AK6: variants seen among roughly 807,000 people sequenced by gnomAD.
The protein encoded by AK6 is adenylate kinase 6.
AK6 carries 24 observed loss-of-function variants against 23.7 expected under a neutral mutation model. The ratio of observed to expected loss-of-function variants is 1.01; its 90% CI spans 0.73 to 1.43. The LOEUF is 1.43. AK6 is among the 40% of genes most tolerant of loss of function. AK6 has a pLI of 0.00. For synonymous variants in AK6, 73 were observed against 69.8 expected (o/e 1.05, Z -0.23); for missense variants, 191 against 199.1 (o/e 0.96, Z 0.24).
At chr5:69,354,500 T>C (rs963040833) in intron 4 of AK6, among the ~76,000 whole-genome samples, 2 of 152,214 alleles carry the variant, frequency 1.3e-5, no homozygotes, top group African/African-American at 2.4e-5. Flanking sequence ...GGAGCTTTCC[T>C]TTCTGAGATT....
Position 69,356,294 on chromosome 5 carries a change from G to A in AK6, c.122-341C>T, listed in dbSNP as rs55764482. Among the ~76,000 whole-genome samples the A allele has an allele frequency of 6.2e-3, 938 of 152,222 alleles. 8 individuals are homozygous for A. Among genetic ancestry groups the A allele is most frequent in the African/African-American group, 0.021 (882 of 41,532 alleles). On this transcript the variant is annotated intron_variant, in intron 2 of 4. Coordinates refer to ENST00000380822, the MANE Select transcript of AK6 (RefSeq NM_016283.5). ...TATTTTTGTTGAACTACAGATTGGC[G>A]GGAAGAGGAAACACCTGAACAGATA...
intron 4 of AK6, among the ~76,000 whole-genome samples, chr5:69,355,136 T>C (rs928904567): frequency 3.3e-5 from 5 of 152,170 alleles, no homozygotes; most frequent in Admixed American, 1.3e-4. Flanking sequence ...GCCGACTAAA[T>C]TGGGTTTCTA....
Position 69,364,733 on chromosome 5 carries a change from G to C in AK6, c.121+1770C>G, listed in dbSNP as rs867629316. On this transcript the variant is annotated intron_variant, in intron 2 of 4. Transcript: ENST00000380822. ...TGCTTTTAAAAACATAACTGCCAAA[G>C]CACCAACAATCGAATGAATGACAAC... The C allele has an allele frequency of 4.6e-6, 3 of 650,582 alleles. No individual in the cohort carries two copies. The South Asian group carries it at 6.0e-5, about 13-fold the overall frequency. The allele number at this position is 650,582 out of a possible 1,614,324, so 40.3% of individuals were successfully genotyped here. A position where few individuals can be genotyped will look rare whatever the true frequency, so the allele number is the denominator to read the frequency against.
chr5:69,369,553 C>T (rs1762775032), upstream of AK6: 6 of 1,608,976 alleles, frequency 3.7e-6, no homozygotes, highest in South Asian at 5.5e-5. Context: ...AGGGAGGAGC[C>T]GGAAGGGGCG....
intron 2 of AK6, among the ~76,000 whole-genome samples, chr5:69,359,584 C>T (rs1450663027): frequency 6.6e-6 from 1 of 152,094 alleles, no homozygotes; most frequent in African/African-American, 2.4e-5. Flanking sequence ...CTTAAAAAAC[C>T]TTCCCAGCTG....
At chr5:69,356,380 C>A (rs1207092930) in intron 2 of AK6, among the ~76,000 whole-genome samples, 1 of 131,872 alleles carries the variant, frequency 7.6e-6, no homozygotes, top group Non-Finnish European at 1.6e-5. Flanking sequence ...ACAGGCCAGG[C>A]ATGGTGGCTT....
At chr5:69,369,757 C>G, upstream of AK6, 2 of 1,493,428 alleles carry the variant, frequency 1.3e-6, no homozygotes, top group South Asian at 1.2e-5. Context: ...AAGTCACACA[C>G]TCCTTCGGTG....
chr5:69,365,311 T>C lies in AK6; in HGVS notation c.121+1192A>G, dbSNP rs772670213. 31 of 1,614,088 alleles carry C rather than the reference T, an allele frequency of 1.9e-5. No individual in the cohort carries two copies. In the South Asian group the frequency reaches 2.0e-4, roughly 10 times the overall value. On this transcript the variant is annotated intron_variant, in intron 2 of 4. Coordinates refer to ENST00000380822, the MANE Select transcript of AK6 (RefSeq NM_016283.5). ...CCAACACTTAACCGCGGGACTGTTA[T>C]TCTTCCCGCAGAAGTTGATGCCTTT... is the stretch of plus-strand genomic sequence containing the variant.
chr5:69,368,022 A>G, intron 1 of AK6: 1 of 152,304 alleles, frequency 6.6e-6, no homozygotes, highest in Non-Finnish European at 1.5e-5. Flanking sequence ...AACAAGAACA[A>G]AAACAAAACT....
At chr5:69,352,923 A>T (rs1469670697) in intron 4 of AK6, among the ~76,000 whole-genome samples, 1 of 152,226 alleles carries the variant, frequency 6.6e-6, no homozygotes, top group Non-Finnish European at 1.5e-5. Flanking sequence ...TAAACACATG[A>T]TGTCCACACA....
chr5:69,365,769 A>G (rs941882976), intron 2 of AK6: 1 of 1,482,822 alleles, frequency 6.7e-7, no homozygotes, highest in Non-Finnish European at 9.0e-7. Context: ...AGATCATTTG[A>G]AAAAAATATG....
At position 69,355,961 on chromosome 5, in the gene AK6, A is replaced by G; in HGVS notation, c.122-8T>C. 6.3e-7 allele frequency: 1 copy of G among 1,592,878 alleles called. No individual in the cohort carries two copies. The highest frequency in any genetic ancestry group is 8.5e-7 in the Non-Finnish European group (1 of 1,173,436). Reference sequence around the variant, plus strand: ...AGCCATCATACAATTGCTCTAAAAGAGATTTAGAATTGCTTGTTGAAATAT... The same window carrying G: ...AGCCATCATACAATTGCTCTAAAAGGGATTTAGAATTGCTTGTTGAAATAT... On this transcript the variant is annotated splice_region_variant and splice_polypyrimidine_tract_variant and intron_variant, in intron 2 of 4. Coordinates refer to ENST00000380822, the MANE Select transcript of AK6 (RefSeq NM_016283.5).
At position 69,351,177 on chromosome 5, in the gene AK6, C is replaced by T. The variant is rs985186757; in HGVS notation, c.*884G>A. ...ATAACCTTGTTAATAAGCTAAAAACCAACGGATTATAAATTTTATTTATGT... is the reference window on the plus strand; with the variant it reads ...ATAACCTTGTTAATAAGCTAAAAACTAACGGATTATAAATTTTATTTATGT... On this transcript the variant is annotated 3_prime_UTR_variant, in exon 5 of 5. Transcript: ENST00000380822. The T allele has an allele frequency of 6.6e-6, 1 of 152,072 alleles. No individual in the cohort carries two copies. Among genetic ancestry groups the T allele is most frequent in the African/African-American group, 2.4e-5 (1 of 41,400 alleles). The allele number at this position is 152,072 out of a possible 1,614,324, so 9.4% of individuals were successfully genotyped here.
intron 1 of AK6, among the ~76,000 whole-genome samples, chr5:69,367,328 T>C (rs886431819): frequency 7.3e-5 from 11 of 151,476 alleles, no homozygotes; most frequent in Admixed American, 2.6e-4. Flanking sequence ...CTGGCCAACA[T>C]AGTGAAACTA....
chr5:69,363,567 G>A (rs1227454845), intron 2 of AK6, among the ~76,000 whole-genome samples: 8 of 151,746 alleles, frequency 5.3e-5, no homozygotes, highest in Non-Finnish European at 7.4e-5. Context: ...GGTGGATCAC[G>A]AGGTCAGGAG....
chr5:69,369,736 G>A, upstream of AK6: 3 of 1,539,866 alleles, frequency 1.9e-6, no homozygotes, highest in Non-Finnish European at 2.6e-6. Flanking sequence ...CAGGCAGTGC[G>A]CTGGATGCCT....
At chr5:69,352,282 GAAGC>G in intron 4 of AK6, 29 bp from the exon 5 acceptor site, 1 of 1,563,704 alleles carries the variant, frequency 6.4e-7, no homozygotes, top group East Asian at 2.3e-5. Flanking sequence ...AAGCAAACAA[GAAGC>G]AAAATAAATG....
At chr5:69,357,624 A>T (rs1333835844) in intron 2 of AK6, among the ~76,000 whole-genome samples, 1 of 152,226 alleles carries the variant, frequency 6.6e-6, no homozygotes, top group Non-Finnish European at 1.5e-5. Context: ...CAAGAAAAGA[A>T]TTCACACAAG....
At chr5:69,353,862 C>A (rs776507795) in intron 4 of AK6, among the ~76,000 whole-genome samples, 11 of 152,112 alleles carry the variant, frequency 7.2e-5, no homozygotes, top group Non-Finnish European at 1.6e-4. Flanking sequence ...CTCAACCTCC[C>A]AGGCTCAAGC....
Sources: allele counts gnomAD v4.1 joint callset (sites outside exome capture counted in the v4.1 genomes callset), GRCh38; gene constraint gnomAD v4.1.1; transcripts MANE v1.5; gene names NCBI Gene and HGNC (gene_info 2026-07-23, HGNC 2026-07-21).